Variants in PATJ observed in about 807,000 individuals in gnomAD.
The protein encoded by PATJ is inaD-like protein.
A neutral mutation model predicts 224.9 loss-of-function variants in PATJ; 190 were observed. The observed-to-expected ratio is 0.84, with a 90% CI of 0.75 to 0.95. The LOEUF (loss-of-function observed/expected upper bound fraction) is 0.95. PATJ is among the 40% of genes least tolerant of loss of function. The pLI, the probability that PATJ is intolerant of heterozygous loss-of-function variation, is 0.00. For missense variants in PATJ, 2,121 were observed against 2,270.3 expected, an observed-to-expected ratio of 0.93 and a Z score of 1.34; for synonymous variants, 769 against 820.3, an observed-to-expected ratio of 0.94 and a Z score of 1.07.
intron 38 of PATJ, among the ~76,000 whole-genome samples, 179 bp downstream of exon 38, chr1:62,121,474 T>G (rs913291560): frequency 6.6e-6 from 1 of 152,122 alleles, no homozygotes; most frequent in South Asian, 2.1e-4. Context: ...TAGAGATTCC[T>G]TCAGTGGTGG....
intron 28 of PATJ, among the ~76,000 whole-genome samples, chr1:61,996,214 A>G (rs530560399): frequency 2.6e-5 from 4 of 152,348 alleles, no homozygotes; most frequent in Admixed American, 6.5e-5. Context: ...AGCTACAGGT[A>G]ATCTCAGATC....
intron 14 of PATJ, among the ~76,000 whole-genome samples, chr1:61,809,075 A>C (rs1557681862): frequency 6.6e-6 from 1 of 152,236 alleles, no homozygotes; most frequent in Non-Finnish European, 1.5e-5. Flanking sequence ...TGTAGGCAGT[A>C]GTTGTTCTTG....
intron 21 of PATJ, among the ~76,000 whole-genome samples, chr1:61,878,855 C>T (rs548064036): frequency 6.6e-6 from 1 of 151,948 alleles, no homozygotes; most frequent in South Asian, 2.1e-4. Flanking sequence ...ACAATCTCGG[C>T]TCACTACAAC....
rs978575207 is a variant in PATJ, at chr1:62,113,947, G to A, written c.4462-106G>A. ...TACCTGTTTGCCTTGAGATTGGCTG[G>A]AAATTTCTAGAGATTCTTTACTGGT... On this transcript the variant is annotated intron_variant, in intron 34 of 43. Transcript: ENST00000642238. 3.0e-5 allele frequency: 35 copies of A among 1,166,740 alleles called. 1 individual carries two copies. The Middle Eastern group carries it at 8.4e-4, about 28-fold the overall frequency. The allele number at this position is 1,166,740 out of a possible 1,614,324, so 72.3% of individuals were successfully genotyped here.
At chr1:61,912,555 G>C (rs948885096) in intron 25 of PATJ, among the ~76,000 whole-genome samples, 4 of 151,396 alleles carry the variant, frequency 2.6e-5, no homozygotes, top group African/African-American at 9.7e-5. Context: ...CTGCACTGCA[G>C]TGGCCACTGC....
At chr1:61,895,900 G>A (rs1670298657) in intron 22 of PATJ, among the ~76,000 whole-genome samples, 1 of 152,210 alleles carries the variant, frequency 6.6e-6, no homozygotes, top group Non-Finnish European at 1.5e-5. Flanking sequence ...ACCTTGCAGA[G>A]CCACAGGGAC....
At chr1:61,793,903 ATT>A (rs35202164) in intron 9 of PATJ, among the ~76,000 whole-genome samples, 9 of 137,028 alleles carry the variant, frequency 6.6e-5, no homozygotes, top group African/African-American at 8.1e-5. Context: ...TTCTTCTACA[ATT>A]TTTTTTTTTT....
intron 33 of PATJ, among the ~76,000 whole-genome samples, chr1:62,091,006 GC>G (rs922535067): frequency 3.3e-5 from 5 of 152,198 alleles, no homozygotes; most frequent in Non-Finnish European, 5.9e-5. Context: ...TGGATTATTG[GC>G]AGACTTGAAC....
At chr1:61,770,186 C>A (rs913536176) in intron 5 of PATJ, among the ~76,000 whole-genome samples, 1 of 152,176 alleles carries the variant, frequency 6.6e-6, no homozygotes, top group Non-Finnish European at 1.5e-5. Context: ...AGATTTCAAA[C>A]ATAATGAGTT....
chr1:62,106,135 C>CGTGT lies in PATJ; in HGVS notation c.4378-2302_4378-2301insGTGT, dbSNP rs1558176269. Among the ~76,000 whole-genome samples the CGTGT allele has an allele frequency of 5.9e-5, 3 of 50,794 alleles. 1 individual carries two copies. Among genetic ancestry groups the CGTGT allele is most frequent in the Admixed American group, 2.4e-4 (1 of 4,224 alleles). 33.3% of individuals were successfully genotyped at this position (50,794 alleles called of 152,430 possible). ...ACACACACACAAACACACATATATA[C>CGTGT]ATGTGTATATGTGTGTGTGTGTGTA... is the stretch of plus-strand genomic sequence containing the variant. On this transcript the variant is annotated intron_variant, in intron 33 of 43. Transcript: ENST00000642238.
At chr1:61,781,125 TGAGCCC>T (rs1647249582) in intron 7 of PATJ, among the ~76,000 whole-genome samples, 1 of 152,222 alleles carries the variant, frequency 6.6e-6, no homozygotes, top group Non-Finnish European at 1.5e-5. Flanking sequence ...AAGTCAGGAT[TGAGCCC>T]GTACCTGTTT....
intron 11 of PATJ, among the ~76,000 whole-genome samples, chr1:61,800,030 T>C (rs996247107): frequency 2.6e-5 from 4 of 152,202 alleles, no homozygotes; most frequent in Non-Finnish European, 5.9e-5. Flanking sequence ...GGCTTTGCTT[T>C]TGCAAATAGT....
intron 14 of PATJ, among the ~76,000 whole-genome samples, chr1:61,819,227 CCCTGATT>C (rs1656771182): frequency 1.3e-5 from 2 of 152,260 alleles, no homozygotes; most frequent in South Asian, 4.1e-4. Context: ...GATATCATAA[CCCTGATT>C]CCTTCCTTGC....
At chr1:61,929,412 A>G (rs192625117) in intron 27 of PATJ, among the ~76,000 whole-genome samples, 123 of 148,556 alleles carry the variant, frequency 8.3e-4, no homozygotes, top group African/African-American at 2.8e-3. Flanking sequence ...AACCTGCCTC[A>G]TAGTATTGTT....
At chr1:62,038,358 C>G (rs1650837700) in intron 30 of PATJ, 1 of 184,992 alleles carries the variant, frequency 5.4e-6, no homozygotes, top group Non-Finnish European at 1.1e-5. Flanking sequence ...AATTGTACCC[C>G]TTTCTTTATG....
chr1:61,759,259 G>A (rs1425590376), intron 1 of PATJ, among the ~76,000 whole-genome samples: 1 of 151,894 alleles, frequency 6.6e-6, no homozygotes, highest in Admixed American at 6.6e-5. Flanking sequence ...TTTATGTGTG[G>A]CCCAAACAAT....
chr1:62,000,391 C>T (rs1645688211), intron 28 of PATJ, among the ~76,000 whole-genome samples: 1 of 138,790 alleles, frequency 7.2e-6, no homozygotes, highest in Non-Finnish European at 1.5e-5. Context: ...TGTTCCCCTT[C>T]CTGTGTCCAT....
chr1:61,815,441 T>C (rs971595411), intron 14 of PATJ, among the ~76,000 whole-genome samples: 2 of 152,354 alleles, frequency 1.3e-5, no homozygotes, highest in African/African-American at 2.4e-5. Flanking sequence ...AGGTCCAGGC[T>C]GGAGGTTTTT....
chr1:61,760,619 C>CTT (rs200693394), intron 1 of PATJ, among the ~76,000 whole-genome samples: 286 of 135,448 alleles, frequency 2.1e-3, no homozygotes, highest in Non-Finnish European at 3.3e-3. Flanking sequence ...TTTTCTTTTT[C>CTT]TTTTTTTTTT....
Sources: gnomAD v4.1 joint callset for allele counts (sites outside exome capture counted in the v4.1 genomes callset) on GRCh38, gnomAD v4.1.1 for gene constraint, MANE v1.5 for transcripts, NCBI Gene and HGNC (gene_info 2026-07-23, HGNC 2026-07-21) for gene names.